Variants in ADD3 observed in about 807,000 individuals in gnomAD.
ADD3 encodes the protein adducin 3.
A neutral mutation model predicts 80.2 loss-of-function variants in ADD3; 25 were observed. The ratio of observed to expected loss-of-function variants is 0.31; its 90% confidence interval spans 0.23 to 0.44. The LOEUF is 0.44. Among genes scored for constraint, ADD3 ranks in the 20% least tolerant of loss-of-function variants. ADD3 has a pLI of 1.00. For missense variants in ADD3, 829 were observed against 847.5 expected, an observed-to-expected ratio of 0.98 and a Z score of 0.27; for synonymous variants, 284 against 289.6, an observed-to-expected ratio of 0.98 and a Z score of 0.20.
intron 1 of ADD3, among the ~76,000 whole-genome samples, chr10:110,042,044 C>T (rs532639452): frequency 6.6e-6 from 1 of 152,238 alleles, no homozygotes; most frequent in East Asian, 1.9e-4. Flanking sequence ...AGATAAAAAT[C>T]CCCTTCTGGA....
chr10:110,016,059 G>C (rs1234290925), intron 1 of ADD3, among the ~76,000 whole-genome samples: 1 of 152,158 alleles, frequency 6.6e-6, no homozygotes, highest in Non-Finnish European at 1.5e-5. Flanking sequence ...TGTCTGCCTT[G>C]ACCAGTCAGC....
chr10:110,098,774 C>T (rs1450509375), intron 1 of ADD3, among the ~76,000 whole-genome samples: 3 of 152,056 alleles, frequency 2.0e-5, no homozygotes, highest in Admixed American at 6.6e-5. Context: ...TGATTACAGG[C>T]ACCTACCACC....
At chr10:110,054,326 T>C (rs2133425591) in intron 1 of ADD3, among the ~76,000 whole-genome samples, 1 of 152,266 alleles carries the variant, frequency 6.6e-6, no homozygotes, top group Admixed American at 6.5e-5. Context: ...ATAATGCTGC[T>C]ATTATTTGTG....
intron 1 of ADD3, among the ~76,000 whole-genome samples, chr10:110,074,867 T>C (rs1212771735): frequency 6.6e-6 from 1 of 152,164 alleles, no homozygotes; most frequent in Non-Finnish European, 1.5e-5. Context: ...AGTATTTTTA[T>C]TTAAAATCTA....
At chr10:110,010,871 G>A (rs1184651908) in intron 1 of ADD3, among the ~76,000 whole-genome samples, 2 of 152,112 alleles carry the variant, frequency 1.3e-5, no homozygotes, top group Non-Finnish European at 2.9e-5. Context: ...GTATTCCCAC[G>A]ACTATCAGGT....
At chr10:110,071,258 C>T (rs1844672646) in intron 1 of ADD3, among the ~76,000 whole-genome samples, 1 of 152,006 alleles carries the variant, frequency 6.6e-6, no homozygotes, top group South Asian at 2.1e-4. Flanking sequence ...CAGCTCAAAG[C>T]AAAAGTAACA....
intron 1 of ADD3, among the ~76,000 whole-genome samples, chr10:110,053,428 CTATG>C (rs1564898386): frequency 1.3e-5 from 2 of 151,744 alleles, no homozygotes; most frequent in African/African-American, 4.9e-5. Flanking sequence ...AAGGTCATCT[CTATG>C]TGTTTAAATT....
At chr10:110,123,711 C>T (rs1851797989) in intron 9 of ADD3, 2 of 254,320 alleles carry the variant, frequency 7.9e-6, no homozygotes, top group Admixed American at 4.8e-5. Flanking sequence ...AGATTTGCTT[C>T]CCCAGAACAG....
In ADD3 at chr10:110,116,343, A is replaced by T. The variant is rs541798939; in HGVS notation, c.419A>T (p.Lys140Ile). The change falls in exon 4 of 15, where the codon AAA becomes ATA. Residue 140 changes from lysine (K) to isoleucine (I), a missense_variant. By Grantham distance (102) the Lys-to-Ile change is moderately radical. Transcript: ENST00000356080. ...AAGGGAGAAAAACTTACTCGCTGTA[A>T]ACTTGCCAGCCTGTACAGACTTGTA... ...YVKGEKLTRC[K>I]LASLYRLVDL... The T allele has an allele frequency of 3.0e-5, 48 of 1,614,042 alleles. No individual in the cohort carries two copies. Among genetic ancestry groups the T allele is most frequent in the Non-Finnish European group, 3.8e-5 (45 of 1,180,020 alleles).
intron 1 of ADD3, among the ~76,000 whole-genome samples, chr10:110,094,476 T>G (rs1287768333): frequency 6.6e-6 from 1 of 152,170 alleles, no homozygotes; most frequent in Admixed American, 6.5e-5. Flanking sequence ...AAGAGCCTAG[T>G]GCTTTGTGGG....
At chr10:110,003,347 A>G (rs1296161769), upstream of ADD3, among the ~76,000 whole-genome samples, 1 of 132,320 alleles carries the variant, frequency 7.6e-6, no homozygotes, top group African/African-American at 3.2e-5. Flanking sequence ...AGAAAGAGGA[A>G]GAGAGAAAGA....
chr10:110,091,931 A>G (rs1329069728), intron 1 of ADD3, among the ~76,000 whole-genome samples: 1 of 152,200 alleles, frequency 6.6e-6, no homozygotes, highest in Non-Finnish European at 1.5e-5. Flanking sequence ...CTCAAAGGAC[A>G]TGAACATCCA....
upstream of ADD3, among the ~76,000 whole-genome samples, chr10:110,007,384 C>A (rs769024982): frequency 4.5e-4 from 68 of 152,302 alleles, no homozygotes; most frequent in Non-Finnish European, 7.5e-4. Flanking sequence ...GGGGGGCGTG[C>A]GGAGGTTGAA....
upstream of ADD3, among the ~76,000 whole-genome samples, chr10:110,001,070 T>A (rs1207136931): frequency 2.0e-5 from 3 of 152,152 alleles, no homozygotes; most frequent in Non-Finnish European, 4.4e-5. Flanking sequence ...TCTCCATATG[T>A]TATGTCATTT....
chr10:110,025,707 C>A (rs1023291464), intron 1 of ADD3, among the ~76,000 whole-genome samples: 1 of 152,136 alleles, frequency 6.6e-6, no homozygotes. Context: ...TGTGGCAGAT[C>A]TAGACTCAAA....
upstream of ADD3, among the ~76,000 whole-genome samples, chr10:110,003,302 G>GGGGGGGGTGTGTGTGTGTGTGTGT (rs140966434): frequency 1.4e-5 from 2 of 147,026 alleles, no homozygotes; most frequent in African/African-American, 5.1e-5. Context: ...GAACAGTAAG[G>GGGGGGGGTGTGTGTGTGTGTGTGT]GTGTGTGTGT....
intron 2 of ADD3, among the ~76,000 whole-genome samples, chr10:110,106,498 T>C (rs1189837566): frequency 6.6e-6 from 1 of 152,122 alleles, no homozygotes; most frequent in East Asian, 1.9e-4. Context: ...TATTCCGGAA[T>C]ATGTGAGTAC....
Position 110,116,356 on chromosome 10 carries a change from G to A in ADD3, c.432G>A (p.Leu144=), listed in dbSNP as rs1467750723. 6.2e-7 allele frequency: 1 copy of A among 1,614,028 alleles called. No individual in the cohort carries two copies. The highest frequency in any genetic ancestry group is 2.2e-5 in the East Asian group (1 of 44,896). ...TTACTCGCTGTAAACTTGCCAGCCT[G>A]TACAGACTTGTAGACTTGTTTGGAT... is the stretch of plus-strand genomic sequence containing the variant. ...EKLTRCKLAS[L]YRLVDLFGWA... is the part of the protein sequence containing the mutation. Residue 144 remains leucine, a synonymous_variant, in exon 4 of 15, where the codon CTG becomes CTA. Transcript: ENST00000356080.
At chr10:110,098,101 A>G (rs1414974411) in intron 1 of ADD3, among the ~76,000 whole-genome samples, 1 of 152,136 alleles carries the variant, frequency 6.6e-6, no homozygotes, top group Non-Finnish European at 1.5e-5. Context: ...TGACCTTGAC[A>G]TGATTGAAGA....
Sources: gnomAD v4.1 joint callset for allele counts (sites outside exome capture counted in the v4.1 genomes callset) on GRCh38, gnomAD v4.1.1 for gene constraint, MANE v1.5 for transcripts, NCBI Gene and HGNC (gene_info 2026-07-23, HGNC 2026-07-21) for gene names.